The following XIRP2 variants were observed in gnomAD, a reference collection of about 807,000 sequenced individuals.
XIRP2 encodes xin actin binding repeat containing 2.
XIRP2 carries 236 observed loss-of-function variants against 277.0 expected under a neutral mutation model. The observed-to-expected ratio is 0.85, with a 90% CI of 0.77 to 0.95. XIRP2 has a LOEUF of 0.95. XIRP2 is among the 40% of genes least tolerant of loss of function. XIRP2 has a pLI of 0.00. For missense variants in XIRP2, 4,640 were observed against 4,157.5 expected (o/e 1.12, Z -3.19); for synonymous variants, 1,490 against 1,416.5 (o/e 1.05, Z -1.17).
Position 167,251,907 on chromosome 2 carries a change from G to A in XIRP2, c.10515G>A (p.Glu3505=). 1 of 1,583,792 alleles carries A rather than the reference G, an allele frequency of 6.3e-7. No individual in the cohort carries two copies. Among genetic ancestry groups the A allele is most frequent in the Non-Finnish European group, 8.6e-7 (1 of 1,168,898 alleles). ...GYATADASAT[E]MRTTFQEESA... ...CAACCGCAGATGCTTCTGCAACTGA[G>A]ATGAGAACCACCTTCCAAGAGGAAT... The change falls in exon 9 of 11, where the codon GAG becomes GAA. Residue 3505 remains glutamate, a synonymous_variant. Coordinates refer to ENST00000409195, the MANE Select transcript of XIRP2 (RefSeq NM_152381.6).
chr2:167,007,719 A>T (rs1229907495), intron 2 of XIRP2, among the ~76,000 whole-genome samples: 1 of 151,180 alleles, frequency 6.6e-6, no homozygotes, highest in Non-Finnish European at 1.5e-5. Context: ...ACACACACAC[A>T]CACACACACA....
intron 2 of XIRP2, among the ~76,000 whole-genome samples, chr2:167,008,301 C>T (rs1687562004): frequency 6.6e-6 from 1 of 151,472 alleles, no homozygotes. Flanking sequence ...AAAGTATTAT[C>T]AGTTTCTTCA....
intron 2 of XIRP2, among the ~76,000 whole-genome samples, chr2:167,086,730 C>T (rs566382346): frequency 0.014 from 2,103 of 151,418 alleles, 55 homozygotes; most frequent in African/African-American, 0.049. Flanking sequence ...CCCAGTTGAT[C>T]GCATCAGCTC....
At chr2:167,096,500 C>T (rs1352419776) in intron 2 of XIRP2, among the ~76,000 whole-genome samples, 2 of 152,072 alleles carry the variant, frequency 1.3e-5, no homozygotes, top group Non-Finnish European at 2.9e-5. Context: ...AAAAAACCAG[C>T]TCATGAATTC....
chr2:166,939,563 C>T (rs1685629101), intron 2 of XIRP2, among the ~76,000 whole-genome samples: 1 of 151,164 alleles, frequency 6.6e-6, no homozygotes, highest in African/African-American at 2.4e-5. Context: ...TCCTGTAGTC[C>T]CAGCTACTCG....
intron 2 of XIRP2, among the ~76,000 whole-genome samples, chr2:167,034,136 G>T (rs1354169907): frequency 1.3e-5 from 2 of 152,070 alleles, no homozygotes; most frequent in Non-Finnish European, 2.9e-5. Context: ...AAAAGAATGG[G>T]GATGAAGTTA....
In XIRP2 at chr2:167,251,049, A is replaced by G. The variant is rs1314911930; in HGVS notation, c.9657A>G (p.Ala3219=). 6.2e-7 allele frequency: 1 copy of G among 1,613,538 alleles called. No homozygotes were observed. Among genetic ancestry groups the G allele is most frequent in the African/African-American group, 1.3e-5 (1 of 74,838 alleles). Residue 3219 remains alanine, a synonymous_variant, in exon 9 of 11, where the codon GCA becomes GCG. Transcript: ENST00000409195. The part of the protein sequence containing the change: ...EKRSEIIMSP[A]TLRRQIKIET... ...GGTCTGAAATCATCATGTCTCCTGCAACACTTCGTCGTCAAATTAAGATAG... is the reference window on the plus strand; with the variant it reads ...GGTCTGAAATCATCATGTCTCCTGCGACACTTCGTCGTCAAATTAAGATAG...
chr2:167,084,107 T>C (rs1689841694), intron 2 of XIRP2, among the ~76,000 whole-genome samples: 1 of 152,184 alleles, frequency 6.6e-6, no homozygotes. Context: ...TATTTTGAAA[T>C]ACATCCCATC....
chr2:167,059,285 A>AT (rs1689118337), intron 2 of XIRP2, among the ~76,000 whole-genome samples: 1 of 149,320 alleles, frequency 6.7e-6, no homozygotes, highest in South Asian at 2.1e-4. Context: ...TTATTTTTTT[A>AT]TTTTTTATTT....
Position 166,932,198 on chromosome 2 carries a change from C to T in XIRP2, c.408+28308C>T, listed in dbSNP as rs1181492120. ...TTCCTGTTTGTGACTTACATGTATA[C>T]ACACTCTCTCTCTCTCTCTTTTTTT... On this transcript the variant is annotated intron_variant, in intron 2 of 10. Transcript: ENST00000409195. Among the ~76,000 whole-genome samples, 4 of 150,816 alleles carry T rather than the reference C, an allele frequency of 2.7e-5. No homozygotes were observed. The East Asian group carries it at 7.8e-4, about 29-fold the overall frequency.
At chr2:167,208,161 A>T (rs967740951) in intron 3 of XIRP2, among the ~76,000 whole-genome samples, 1 of 152,158 alleles carries the variant, frequency 6.6e-6, no homozygotes, top group African/African-American at 2.4e-5. Flanking sequence ...CAACAAAATG[A>T]TTTTGTTGTA....
rs73014182 is a variant in XIRP2, at chr2:167,066,507, T to C, written c.409-69402T>C. Reference sequence around the variant, plus strand: ...AAGGATGTATAGAAACTGAAAGCCCTGTACACTGCTGGTGGAAATGAAAAC... The same window carrying C: ...AAGGATGTATAGAAACTGAAAGCCCCGTACACTGCTGGTGGAAATGAAAAC... On this transcript the variant is annotated intron_variant, in intron 2 of 10. Transcript: ENST00000409195. 4.6e-3 allele frequency among the ~76,000 whole-genome samples: 706 copies of C among 152,154 alleles called. 5 individuals are homozygous for C. Among genetic ancestry groups the C allele is most frequent in the African/African-American group, 0.017 (687 of 41,538 alleles).
chr2:167,089,631 G>C (rs1350364283), intron 2 of XIRP2, among the ~76,000 whole-genome samples: 1 of 152,004 alleles, frequency 6.6e-6, no homozygotes, highest in East Asian at 1.9e-4. Context: ...TGTGTGGGGG[G>C]GTGTATTAAG....
At chr2:167,112,644 G>C (rs1156966923) in intron 2 of XIRP2, among the ~76,000 whole-genome samples, 1 of 149,466 alleles carries the variant, frequency 6.7e-6, no homozygotes, top group African/African-American at 2.5e-5. Flanking sequence ...TATATATAGA[G>C]AGAGATTTTT....
At chr2:167,062,005 G>T (rs1323627761) in intron 2 of XIRP2, among the ~76,000 whole-genome samples, 1 of 152,138 alleles carries the variant, frequency 6.6e-6, no homozygotes, top group Non-Finnish European at 1.5e-5. Context: ...ATATTCAAAT[G>T]ATTTTTTGGC....
intron 3 of XIRP2, among the ~76,000 whole-genome samples, chr2:167,171,235 G>A (rs1692681752): frequency 6.6e-6 from 1 of 152,098 alleles, no homozygotes; most frequent in African/African-American, 2.4e-5. Flanking sequence ...CGCTAAAAAT[G>A]TCTGGCTAGT....
chr2:167,200,844 TGCCGGGTGTGGTGGCTCACGCCTGCAA>T (rs1174959248), intron 3 of XIRP2, among the ~76,000 whole-genome samples: 33 of 152,172 alleles, frequency 2.2e-4, no homozygotes, highest in Middle Eastern at 6.8e-3. Context: ...ACCATATACC[TGCCGGGTGTGGTGGCTCACGCCTGCAA>T]CCCCAGCACA....
At chr2:166,988,699 G>C (rs1292091097) in intron 2 of XIRP2, among the ~76,000 whole-genome samples, 1 of 98,790 alleles carries the variant, frequency 1.0e-5, no homozygotes, top group Non-Finnish European at 2.0e-5. Flanking sequence ...AAAGAAAGGG[G>C]TGACGGACGC....
chr2:166,940,876 T>C (rs568454983), intron 2 of XIRP2, among the ~76,000 whole-genome samples: 2 of 152,320 alleles, frequency 1.3e-5, no homozygotes, highest in South Asian at 4.1e-4. Flanking sequence ...GCCTCCCTGT[T>C]AGGCTACTCG....
Sources: gnomAD v4.1 joint callset for allele counts (sites outside exome capture counted in the v4.1 genomes callset) on GRCh38, gnomAD v4.1.1 for gene constraint, MANE v1.5 for transcripts, NCBI Gene and HGNC (gene_info 2026-07-23, HGNC 2026-07-21) for gene names.